Variants in STAT5B observed in about 807,000 individuals in gnomAD.
STAT5B encodes transcription factor STAT5B.
A neutral mutation model predicts 107.8 loss-of-function variants in STAT5B; 21 were observed. That is an observed-to-expected ratio of 0.19 (90% confidence interval 0.14 to 0.28). STAT5B has a LOEUF of 0.28. Ranked by LOEUF, STAT5B falls within the 10% of genes least tolerant of loss-of-function variation. The pLI is 1.00. For missense variants in STAT5B, 565 were observed against 1,008.2 expected (o/e 0.56, Z 5.95); for synonymous variants, 325 against 401.7 (o/e 0.81, Z 2.28).
upstream of STAT5B, among the ~76,000 whole-genome samples, chr17:42,276,952 C>G (rs1165116905): frequency 6.6e-6 from 1 of 152,230 alleles, no homozygotes; most frequent in Admixed American, 6.5e-5. The surrounding 1 kb of genome is among the most constrained non-coding windows in gnomAD (Gnocchi z 4.8). Flanking sequence ...AATTCACATT[C>G]GCCCAGGCCG....
chr17:42,283,228 G>A, the STAT5B span, among the ~76,000 whole-genome samples: 1 of 152,028 alleles, frequency 6.6e-6, no homozygotes, highest in African/African-American at 2.4e-5. Context: ...TCATGGATGA[G>A]GATGAGAAGC....
At chr17:42,256,990 C>T (rs755467166) in intron 1 of STAT5B, among the ~76,000 whole-genome samples, 10 of 147,164 alleles carry the variant, frequency 6.8e-5, no homozygotes, top group South Asian at 4.3e-4. Context: ...TAGGAAAAAA[C>T]AATATATATA....
At chr17:42,233,469 C>T (rs1390983032) in intron 1 of STAT5B, among the ~76,000 whole-genome samples, 1 of 151,604 alleles carries the variant, frequency 6.6e-6, no homozygotes, top group Non-Finnish European at 1.5e-5. Flanking sequence ...AACCATTATA[C>T]TCCAATAGCA....
chr17:42,229,700 G>A (rs567494366), intron 2 of STAT5B, among the ~76,000 whole-genome samples: 23 of 151,468 alleles, frequency 1.5e-4, no homozygotes, highest in African/African-American at 4.4e-4. Flanking sequence ...ATGAAACCCC[G>A]TCTCTATTAA....
At chr17:42,220,568 G>T (rs1287087888) in intron 5 of STAT5B, among the ~76,000 whole-genome samples, 1 of 152,134 alleles carries the variant, frequency 6.6e-6, no homozygotes, top group East Asian at 1.9e-4. Flanking sequence ...GGCCCAGCAT[G>T]TTTGTCCAGG....
At chr17:42,230,696 T>C (rs1477456556) in intron 2 of STAT5B, among the ~76,000 whole-genome samples, 1 of 152,042 alleles carries the variant, frequency 6.6e-6, no homozygotes. Context: ...AGTCTCACTC[T>C]GTTGCCCAGG....
At position 42,276,220 on chromosome 17, in the gene STAT5B, G is replaced by A. The variant is rs2080764283; in HGVS notation, c.-11+28C>T. ...CCCCGGCCTGGCTCCCCCGGCCCCG[G>A]GCCCAGGGCTCGCCCCGCAGCTCCT... On this transcript the variant is annotated intron_variant, in intron 1 of 18. Coordinates refer to ENST00000293328, the MANE Select transcript of STAT5B (RefSeq NM_012448.4). This position sits in a 1 kb window ranked among gnomAD's most constrained non-coding sequence, Gnocchi z 4.8. 6.8e-6 allele frequency: 1 copy of A among 147,036 alleles called. No individual in the cohort carries two copies. The highest frequency in any genetic ancestry group is 6.7e-5 in the Admixed American group (1 of 14,848). 9.1% of individuals were successfully genotyped at this position (147,036 alleles called of 1,614,324 possible). A position where few individuals can be genotyped will look rare whatever the true frequency, so the allele number is the denominator to read the frequency against.
In STAT5B at chr17:42,217,960, C is replaced by G. The variant is rs978340543; in HGVS notation, c.1169+191G>C. ...ACCTCAGGTGATCTGCCCACCTCGGCCTCTTAAAGTGCTTGGATTACAGGT... is the reference window on the plus strand; with the variant it reads ...ACCTCAGGTGATCTGCCCACCTCGGGCTCTTAAAGTGCTTGGATTACAGGT... On this transcript the variant is annotated intron_variant, in intron 9 of 18. Transcript: ENST00000293328. The G allele has an allele frequency of 8.6e-6, 8 of 935,398 alleles. No individual in the cohort carries two copies. In the African/African-American group the frequency reaches 1.3e-4, roughly 15 times the overall value. 57.9% of individuals were successfully genotyped at this position (935,398 alleles called of 1,614,324 possible). A position where few individuals can be genotyped will look rare whatever the true frequency, so the allele number is the denominator to read the frequency against.
intron 1 of STAT5B, among the ~76,000 whole-genome samples, chr17:42,262,625 T>C (rs528575765): frequency 2.4e-4 from 37 of 151,296 alleles, no homozygotes; most frequent in Non-Finnish European, 5.2e-4. Flanking sequence ...GGTATCACCA[T>C]GAAGGGGAAA....
At chr17:42,218,419 TC>T (rs1242823237) in intron 8 of STAT5B, 89 bp from the exon 9 acceptor site, 1 of 1,548,940 alleles carries the variant, frequency 6.5e-7, no homozygotes, top group African/African-American at 1.4e-5. Flanking sequence ...TGGGGCTGCC[TC>T]CCGAGGGGCT....
At chr17:42,242,606 A>C in intron 1 of STAT5B, among the ~76,000 whole-genome samples, 1 of 132,984 alleles carries the variant, frequency 7.5e-6, no homozygotes, top group Non-Finnish European at 1.6e-5. Flanking sequence ...CCCACCCCCC[A>C]CCCAAAACAG....
intron 5 of STAT5B, 142 bp from the exon 6 acceptor site, chr17:42,219,984 A>AG: frequency 7.0e-7 from 1 of 1,422,688 alleles, no homozygotes; most frequent in East Asian, 2.5e-5. Flanking sequence ...CCTGACAGCC[A>AG]GGGGGGCCAA....
At chr17:42,218,550 T>A (rs946757517) in intron 8 of STAT5B, among the ~76,000 whole-genome samples, 173 bp downstream of exon 8, 2 of 152,018 alleles carry the variant, frequency 1.3e-5, no homozygotes, top group African/African-American at 4.8e-5. Flanking sequence ...CCCAAGGGCA[T>A]CTCTTGCAGT....
chr17:42,215,974 C>T, intron 12 of STAT5B, 40 bp downstream of exon 12: 1 of 1,596,240 alleles, frequency 6.3e-7, no homozygotes, highest in African/African-American at 1.3e-5. Flanking sequence ...ATGACACCGG[C>T]ATTGATTTTG....
At chr17:42,259,630 T>C (rs2080576945) in intron 1 of STAT5B, among the ~76,000 whole-genome samples, 1 of 151,902 alleles carries the variant, frequency 6.6e-6, no homozygotes, top group African/African-American at 2.4e-5. Flanking sequence ...CTACTAAAAA[T>C]ACAAAAATTA....
rs1156794966 is a variant in STAT5B at position 42,219,738 on chromosome 17, C to T, written c.655G>A (p.Ala219Thr). 4 of 1,607,992 alleles carry T rather than the reference C, an allele frequency of 2.5e-6. No homozygotes were observed. Among genetic ancestry groups the T allele is most frequent in the East Asian group, 4.5e-5 (2 of 44,564 alleles). Residue 219 changes from alanine (A) to threonine (T), a missense_variant, in exon 6 of 19, where the codon GCA (alanine) becomes ACA (threonine). Physicochemically the swap from Ala to Thr is moderately conservative, Grantham distance 58 (BLOSUM62 0). Around this residue, in one of 11 missense-constraint regions of STAT5B, gnomAD observed 56 missense variants for 104.5 expected, o/e 0.54. Transcript: ENST00000293328. ...ACGCGGTACTGCTGCAGTGTCTGTG[C>T]CTCACGCTGCAACCAGGCCTCCAGA... ...VSLEAWLQREAQTLQQYRVEL... is the reference protein window; with the variant it reads ...VSLEAWLQRETQTLQQYRVEL...
chr17:42,267,317 A>G (rs1233505954), intron 1 of STAT5B, among the ~76,000 whole-genome samples: 1 of 152,140 alleles, frequency 6.6e-6, no homozygotes, highest in African/African-American at 2.4e-5. Context: ...AAACAGCCTC[A>G]GGCAGGTCCT....
chr17:42,224,941 G>A, intron 3 of STAT5B, 73 bp from the exon 4 acceptor site: 3 of 1,504,040 alleles, frequency 2.0e-6, no homozygotes, highest in East Asian at 4.6e-5. Context: ...CTCAGGATGG[G>A]GAGCCTCCTG....
At chr17:42,254,740 A>G (rs2080527533) in intron 1 of STAT5B, among the ~76,000 whole-genome samples, 1 of 152,156 alleles carries the variant, frequency 6.6e-6, no homozygotes, top group Non-Finnish European at 1.5e-5. Flanking sequence ...CTGGAAGGGA[A>G]GGGAAGGAAA....
Sources: allele counts gnomAD v4.1 joint callset (sites outside exome capture counted in the v4.1 genomes callset), GRCh38; gene constraint gnomAD v4.1.1; regional missense constraint gnomAD v4.1.1; non-coding constraint Gnocchi (gnomAD v3.1); transcripts MANE v1.5; gene names NCBI Gene and HGNC (gene_info 2026-07-23, HGNC 2026-07-21).